The following TNF variants were observed in gnomAD, a reference collection of about 807,000 sequenced individuals.
TNF encodes APC1 protein.
Under a neutral mutation model 21.8 loss-of-function variants are expected in TNF, and 7 were observed. The observed-to-expected ratio is 0.32, with a 90% CI of 0.18 to 0.60. The LOEUF (loss-of-function observed/expected upper bound fraction) is 0.60. Among genes scored for constraint, TNF ranks in the 20% least tolerant of loss-of-function variants. The pLI is 0.84. For synonymous variants in TNF, 123 were observed against 130.2 expected (o/e 0.94, Z 0.38); for missense variants, 216 against 296.6 (o/e 0.73, Z 2.00).
chr6:31,576,832 G>A lies in TNF; in HGVS notation c.280+18G>A. The A allele has an allele frequency of 6.2e-7, 1 of 1,613,008 alleles. No individual in the cohort carries two copies. The highest frequency in any genetic ancestry group is 8.5e-7 in the Non-Finnish European group (1 of 1,179,928). On this transcript the variant is annotated intron_variant, in intron 3 of 3. Coordinates refer to ENST00000449264, the MANE Select transcript of TNF (RefSeq NM_000594.4). ...TGTTGTAGGTAAGAGCTCTGAGGAT[G>A]TGTCTTGGAACTTGGAGGGCTAGGA...
At position 31,576,594 on chromosome 6, in the gene TNF, A is replaced by T. The variant is rs1302378437; in HGVS notation, c.232+15A>T. 2 of 1,611,596 alleles carry T rather than the reference A, an allele frequency of 1.2e-6. No individual in the cohort carries two copies. Among genetic ancestry groups the T allele is most frequent in the Admixed American group, 3.3e-5 (2 of 59,712 alleles). On this transcript the variant is annotated intron_variant, in intron 2 of 3. Coordinates refer to ENST00000449264, the MANE Select transcript of TNF (RefSeq NM_000594.4). ...CCAGGCAGTCAGTAAGTGTCTCCAA[A>T]CCTCTTTCCTAATTCTGGGTTTGGG...
In TNF at chr6:31,575,666, A is replaced by G. The variant is rs1771138665; in HGVS notation, c.-76A>G. 2 of 1,380,632 alleles carry G rather than the reference A, an allele frequency of 1.4e-6. No homozygotes were observed. The highest frequency in any genetic ancestry group is 1.5e-5 in the South Asian group (1 of 67,566). 85.5% of individuals were successfully genotyped at this position (1,380,632 alleles called of 1,614,324 possible). The stretch of plus-strand genomic sequence containing the variant: ...CAACCCTCAGACGCCACATCCCCTG[A>G]CAAGCTGCCAGGCAGGTTCTCTTCC... On this transcript the variant is annotated 5_prime_UTR_variant, in exon 1 of 4. Coordinates refer to ENST00000449264, the MANE Select transcript of TNF (RefSeq NM_000594.4). This position sits in a 1 kb window ranked among gnomAD's most constrained non-coding sequence, Gnocchi z 6.2.
In TNF at chr6:31,576,517, C is replaced by G; in HGVS notation, c.187-17C>G. On this transcript the variant is annotated splice_polypyrimidine_tract_variant and intron_variant, in intron 1 of 3. Coordinates refer to ENST00000449264, the MANE Select transcript of TNF (RefSeq NM_000594.4). The stretch of plus-strand genomic sequence containing the variant: ...GGTGACTCCCTCGATGTTAACCATT[C>G]TCCTTCTCCCCAACAGTTCCCCAGG... 6.2e-7 allele frequency: 1 copy of G among 1,613,092 alleles called. No individual in the cohort carries two copies. Among genetic ancestry groups the G allele is most frequent in the Admixed American group, 1.7e-5 (1 of 59,834 alleles).
At position 31,577,207 on chromosome 6, in the gene TNF, G is replaced by A; in HGVS notation, c.372G>A (p.Leu124=). 1 of 1,613,092 alleles carries A rather than the reference G, an allele frequency of 6.2e-7. No individual in the cohort carries two copies. Among genetic ancestry groups the A allele is most frequent in the Non-Finnish European group, 8.5e-7 (1 of 1,180,012 alleles). The stretch of plus-strand genomic sequence containing the variant: ...GCGTGGAGCTGAGAGATAACCAGCT[G>A]GTGGTGCCATCAGAGGGCCTGTACC... ...ANGVELRDNQ[L]VVPSEGLYLI... is the part of the protein sequence containing the mutation. Residue 124 remains leucine, a synonymous_variant, in exon 4 of 4, where the codon CTG becomes CTA. Coordinates refer to ENST00000449264, the MANE Select transcript of TNF (RefSeq NM_000594.4). The surrounding 1 kb of genome is among the most constrained non-coding windows in gnomAD (Gnocchi z 7.7).
chr6:31,578,177 GA>G lies in TNF; in HGVS notation c.*641del. The G allele has an allele frequency of 6.6e-6, 1 of 152,172 alleles. No homozygotes were observed. The highest frequency in any genetic ancestry group is 1.5e-5 in the Non-Finnish European group (1 of 68,046). 9.4% of individuals were successfully genotyped at this position (152,172 alleles called of 1,614,324 possible). On this transcript the variant is annotated 3_prime_UTR_variant, in exon 4 of 4. Coordinates refer to ENST00000449264, the MANE Select transcript of TNF (RefSeq NM_000594.4). The surrounding 1 kb of genome is among the most constrained non-coding windows in gnomAD (Gnocchi z 6.0). ...CCCCCTGGCCTCTGTGCCTTCTTTT[GA>G]TTATGTTTTTTAAAATATTTATCTG...
Position 31,576,572 on chromosome 6 carries a change from G to A in TNF, c.225G>A (p.Gln75=), listed in dbSNP as rs769643681. The A allele has an allele frequency of 1.2e-6, 2 of 1,613,758 alleles. No individual in the cohort carries two copies. Among genetic ancestry groups the A allele is most frequent in the Non-Finnish European group, 1.7e-6 (2 of 1,179,996 alleles). ...RDLSLISPLA[Q]AVRSSSRTPS... ...TCTCTCTAATCAGCCCTCTGGCCCA[G>A]GCAGTCAGTAAGTGTCTCCAAACCT... The change falls in exon 2 of 4, where the codon CAG becomes CAA. Residue 75 remains glutamine (Q), a synonymous_variant. Coordinates refer to ENST00000449264, the MANE Select transcript of TNF (RefSeq NM_000594.4).
At chr6:31,576,691 G>A in intron 2 of TNF, 76 bp from the exon 3 acceptor site, 1 of 1,599,592 alleles carries the variant, frequency 6.3e-7, no homozygotes, top group Non-Finnish European at 8.6e-7. Flanking sequence ...GGGGAGGATG[G>A]ATGGAGGTGA....
intron 1 of TNF, 98 bp downstream of exon 1, chr6:31,576,025 TA>T (rs1409574121): frequency 7.9e-7 from 1 of 1,269,696 alleles, no homozygotes; most frequent in African/African-American, 1.6e-5. Context: ...TGTGCGCTGA[TA>T]GGGAGGGATG....
Position 31,577,035 on chromosome 6 carries a change from G to C in TNF, c.281-81G>C. 3.3e-6 allele frequency: 5 copies of C among 1,517,702 alleles called. No homozygotes were observed. In the East Asian group the frequency reaches 6.8e-5, roughly 21 times the overall value. 94.0% of individuals were successfully genotyped at this position (1,517,702 alleles called of 1,614,324 possible). On this transcript the variant is annotated intron_variant, in intron 3 of 3. Transcript: ENST00000449264. The surrounding 1 kb of genome is among the most constrained non-coding windows in gnomAD (Gnocchi z 7.7). ...GAGGACAGGAACCGGATGTGGGGTGGGCAGAGCTCGAGGGCCAGGATGTGG... is the reference window on the plus strand; with the variant it reads ...GAGGACAGGAACCGGATGTGGGGTGCGCAGAGCTCGAGGGCCAGGATGTGG...
rs758342189 is a variant in TNF, at chr6:31,577,545, G to A, written c.*8G>A. 14 of 1,612,902 alleles carry A rather than the reference G, an allele frequency of 8.7e-6. No individual in the cohort carries two copies. Among genetic ancestry groups the A allele is most frequent in the African/African-American group, 5.3e-5 (4 of 74,914 alleles). ...GGGATCATTGCCCTGTGAGGAGGAC[G>A]AACATCCAACCTTCCCAAACGCCTC... is the stretch of plus-strand genomic sequence containing the variant. On this transcript the variant is annotated 3_prime_UTR_variant, in exon 4 of 4. Coordinates refer to ENST00000449264, the MANE Select transcript of TNF (RefSeq NM_000594.4). This position sits in a 1 kb window ranked among gnomAD's most constrained non-coding sequence, Gnocchi z 7.7.
intron 1 of TNF, among the ~76,000 whole-genome samples, chr6:31,576,284 CAGAA>C (rs1771178284): frequency 1.3e-5 from 2 of 151,318 alleles, no homozygotes; most frequent in South Asian, 2.1e-4. Context: ...GATGGTGAGA[CAGAA>C]AGAGCGGGAA....
In TNF at chr6:31,577,132, G is replaced by A. The variant is rs1270917506; in HGVS notation, c.297G>A (p.Glu99=). 1 of 1,609,040 alleles carries A rather than the reference G, an allele frequency of 6.2e-7. No homozygotes were observed. Among genetic ancestry groups the A allele is most frequent in the Non-Finnish European group, 8.5e-7 (1 of 1,178,022 alleles). ...TCCCTCCAGCAAACCCTCAAGCTGA[G>A]GGGCAGCTCCAGTGGCTGAACCGCC... ...VAHVVANPQA[E]GQLQWLNRRA... is the part of the protein sequence containing the mutation. The change falls in exon 4 of 4, where the codon GAG becomes GAA. Residue 99 remains glutamate (E), a synonymous_variant. Coordinates refer to ENST00000449264, the MANE Select transcript of TNF (RefSeq NM_000594.4). This position sits in a 1 kb window ranked among gnomAD's most constrained non-coding sequence, Gnocchi z 7.7.
rs764955335 is a variant in TNF, at chr6:31,575,814, C to G, written c.73C>G (p.Gln25Glu). Residue 25 changes from glutamine to glutamate, a missense_variant, in exon 1 of 4, where the codon CAG becomes GAG. Physicochemically the swap from Gln to Glu is conservative, Grantham distance 29. Around this residue, in one of 2 missense-constraint regions of TNF, gnomAD observed 118 missense variants for 127.1 expected, o/e 0.93. Coordinates refer to ENST00000449264, the MANE Select transcript of TNF (RefSeq NM_000594.4). The surrounding 1 kb of genome is among the most constrained non-coding windows in gnomAD (Gnocchi z 6.2). ...EALPKKTGGP[Q>E]GSRRCLFLSL... ...GCTCCCCAAGAAGACAGGGGGGCCC[C>G]AGGGCTCCAGGCGGTGCTTGTTCCT... 1 of 1,612,286 alleles carries G rather than the reference C, an allele frequency of 6.2e-7. No homozygotes were observed.
intron 2 of TNF, 86 bp from the exon 3 acceptor site, chr6:31,576,681 G>A (rs1196885947): frequency 6.2e-7 from 1 of 1,600,736 alleles, no homozygotes; most frequent in Non-Finnish European, 8.6e-7. Flanking sequence ...TTTGGTCTTG[G>A]GGGAGGATGG....
chr6:31,577,081 C>CA lies in TNF; in HGVS notation c.281-34dup. 1 of 1,570,076 alleles carries CA rather than the reference C, an allele frequency of 6.4e-7. No homozygotes were observed. Among genetic ancestry groups the CA allele is most frequent in the Non-Finnish European group, 8.6e-7 (1 of 1,160,006 alleles). On this transcript the variant is annotated intron_variant, in intron 3 of 3. Transcript: ENST00000449264. This position sits in a 1 kb window ranked among gnomAD's most constrained non-coding sequence, Gnocchi z 7.7. ...TGTGGAGAGTGAACCGACATGGCCA[C>CA]ACTGACTCTCCTCTCCCTCTCTCCC...
At chr6:31,576,905 G>A (rs1236787236) in intron 3 of TNF, 91 bp downstream of exon 3, 3 of 1,512,446 alleles carry the variant, frequency 2.0e-6, no homozygotes, top group Non-Finnish European at 2.8e-6. Flanking sequence ...TGGAGACAAT[G>A]TGAGAAGGAC....
chr6:31,575,674 C>T lies in TNF; in HGVS notation c.-68C>T. On this transcript the variant is annotated 5_prime_UTR_variant, in exon 1 of 4. Coordinates refer to ENST00000449264, the MANE Select transcript of TNF (RefSeq NM_000594.4). The surrounding 1 kb of genome is among the most constrained non-coding windows in gnomAD (Gnocchi z 6.2). ...AGACGCCACATCCCCTGACAAGCTG[C>T]CAGGCAGGTTCTCTTCCTCTCACAT... 1 of 1,412,058 alleles carries T rather than the reference C, an allele frequency of 7.1e-7. No individual in the cohort carries two copies. Among genetic ancestry groups the T allele is most frequent in the Non-Finnish European group, 9.4e-7 (1 of 1,062,024 alleles). 87.5% of individuals were successfully genotyped at this position (1,412,058 alleles called of 1,614,324 possible).
At chr6:31,576,006 G>C in intron 1 of TNF, 79 bp downstream of exon 1, 1 of 1,370,428 alleles carries the variant, frequency 7.3e-7, no homozygotes, top group Non-Finnish European at 9.6e-7. Context: ...AGATGGGATG[G>C]GTGAAAGATG....
At position 31,577,180 on chromosome 6, in the gene TNF, T is replaced by C. The variant is rs142488339; in HGVS notation, c.345T>C (p.Asn115=). 201 of 1,612,874 alleles carry C rather than the reference T, an allele frequency of 1.2e-4. 2 individuals carry two copies. Among genetic ancestry groups the C allele is most frequent in the Admixed American group, 1.3e-4 (8 of 60,004 alleles). Residue 115 remains asparagine, a synonymous_variant, in exon 4 of 4, where the codon AAT becomes AAC. Coordinates refer to ENST00000449264, the MANE Select transcript of TNF (RefSeq NM_000594.4). This position sits in a 1 kb window ranked among gnomAD's most constrained non-coding sequence, Gnocchi z 7.7. ...GCCGGGCCAATGCCCTCCTGGCCAATGGCGTGGAGCTGAGAGATAACCAGC... is the reference window on the plus strand; with the variant it reads ...GCCGGGCCAATGCCCTCCTGGCCAACGGCGTGGAGCTGAGAGATAACCAGC... ...LNRRANALLA[N]GVELRDNQLV...
Sources: gnomAD v4.1 joint callset for allele counts (sites outside exome capture counted in the v4.1 genomes callset) on GRCh38, gnomAD v4.1.1 for gene constraint, gnomAD v4.1.1 regional missense constraint, Gnocchi (gnomAD v3.1) non-coding constraint, MANE v1.5 for transcripts, NCBI Gene and HGNC (gene_info 2026-07-23, HGNC 2026-07-21) for gene names.